The following GATAD1 variants were observed in gnomAD, a reference collection of about 807,000 sequenced individuals.
GATAD1 encodes the protein GATA zinc finger domain-containing protein 1.
In GATAD1, 12 loss-of-function variants were observed where a neutral mutation model predicts 26.5. The ratio of observed to expected loss-of-function variants is 0.45; its 90% CI spans 0.29 to 0.73. The LOEUF (loss-of-function observed/expected upper bound fraction) is 0.73, where lower values mean the gene tolerates loss of function less well. Among genes scored for constraint, GATAD1 ranks in the 30% least tolerant of loss-of-function variants. GATAD1 has a pLI of 0.10. For missense variants in GATAD1, 266 were observed against 342.1 expected, an observed-to-expected ratio of 0.78 and a Z score of 1.75; for synonymous variants, 129 against 133.1, an observed-to-expected ratio of 0.97 and a Z score of 0.21.
the GATAD1 span, among the ~76,000 whole-genome samples, chr7:92,486,012 T>G: frequency 6.6e-6 from 1 of 152,232 alleles, no homozygotes; most frequent in African/African-American, 2.4e-5. Flanking sequence ...AGATGACCTC[T>G]GTATGGATGT....
the GATAD1 span, among the ~76,000 whole-genome samples, chr7:92,486,027 C>T: frequency 1.3e-3 from 197 of 152,328 alleles, no homozygotes; most frequent in Middle Eastern, 0.01. Context: ...GGATGTCAAT[C>T]GGCTGTCTTT....
downstream of GATAD1, chr7:92,461,547 T>C (rs934837273): frequency 1.3e-5 from 2 of 152,234 alleles, no homozygotes; most frequent in African/African-American, 4.8e-5. Context: ...ATAAACTGTT[T>C]AGAATTATTT....
the GATAD1 span, among the ~76,000 whole-genome samples, chr7:92,467,376 T>A: frequency 1.3e-5 from 2 of 152,180 alleles, no homozygotes; most frequent in Admixed American, 6.5e-5. Context: ...ACATACAAGT[T>A]TTCTCAAGTA....
chr7:92,494,256 T>G, the GATAD1 span: 1 of 1,408,046 alleles, frequency 7.1e-7, no homozygotes, highest in Non-Finnish European at 1.0e-6. Context: ...GAGTGTAGCA[T>G]TTGTTGGGTT....
downstream of GATAD1, among the ~76,000 whole-genome samples, chr7:92,464,144 T>TA (rs1187816626): frequency 1.3e-5 from 2 of 152,104 alleles, no homozygotes; most frequent in African/African-American, 4.8e-5. Flanking sequence ...GAAAAACTCT[T>TA]AAAAAAATAC....
At chr7:92,449,197 G>T (rs773062488) in intron 2 of GATAD1, 3 of 1,006,640 alleles carry the variant, frequency 3.0e-6, no homozygotes, top group African/African-American at 3.4e-5. Flanking sequence ...AGAGATTATG[G>T]TTCTTGATAT....
the GATAD1 span, among the ~76,000 whole-genome samples, chr7:92,485,106 C>T: frequency 1.3e-5 from 2 of 152,090 alleles, no homozygotes; most frequent in African/African-American, 2.4e-5. Flanking sequence ...AGGTTAATCG[C>T]TCAGTTAAGA....
chr7:92,455,331 T>C (rs906139732), intron 4 of GATAD1, among the ~76,000 whole-genome samples: 3 of 152,178 alleles, frequency 2.0e-5, no homozygotes, highest in African/African-American at 4.8e-5. Flanking sequence ...AATGTATTGC[T>C]CAGGAACTAG....
At position 92,447,682 on chromosome 7, in the gene GATAD1, G is replaced by A; in HGVS notation, c.-48G>A. 1.4e-6 allele frequency: 2 copies of A among 1,389,788 alleles called. No homozygotes were observed. The highest frequency in any genetic ancestry group is 3.5e-5 in the Admixed American group (1 of 28,934). 86.1% of individuals were successfully genotyped at this position (1,389,788 alleles called of 1,614,324 possible). A position where few individuals can be genotyped will look rare whatever the true frequency, so the allele number is the denominator to read the frequency against. On this transcript the variant is annotated 5_prime_UTR_variant, in exon 1 of 5. Coordinates refer to ENST00000287957, the MANE Select transcript of GATAD1 (RefSeq NM_021167.5). ...CCAGGGGGCGGCCGGGCTACCGTCC[G>A]CCATTCCCGTGTCTCTGCGCCCGCG...
the GATAD1 span, among the ~76,000 whole-genome samples, chr7:92,482,482 C>G: frequency 6.6e-6 from 1 of 152,108 alleles, no homozygotes; most frequent in Admixed American, 6.5e-5. Context: ...CTGTAGCAGG[C>G]AAGTGATAAC....
the GATAD1 span, chr7:92,491,429 T>C: frequency 2.7e-5 from 44 of 1,613,946 alleles, no homozygotes; most frequent in African/African-American, 5.1e-4. Flanking sequence ...AGCTGAATCG[T>C]CAGAGCCACT....
Position 92,454,638 on chromosome 7 carries a change from C to T in GATAD1, c.572C>T (p.Thr191Ile), listed in dbSNP as rs1272899751. ...KSAALTWLIP[T>I]LSSPRDQFDP... The stretch of plus-strand genomic sequence containing the variant: ...GCAGCACTGACGTGGCTCATTCCTA[C>T]CCTCTCTAGCCCCAGAGACCAATTT... Residue 191 changes from threonine (T) to isoleucine (I), a missense_variant, in exon 4 of 5, where the codon ACC becomes ATC. Coordinates refer to ENST00000287957, the MANE Select transcript of GATAD1 (RefSeq NM_021167.5). 1 of 1,609,700 alleles carries T rather than the reference C, an allele frequency of 6.2e-7. No individual in the cohort carries two copies. Among genetic ancestry groups the T allele is most frequent in the Non-Finnish European group, 8.5e-7 (1 of 1,178,416 alleles).
the GATAD1 span, among the ~76,000 whole-genome samples, chr7:92,490,894 GT>G: frequency 3.3e-5 from 5 of 152,214 alleles, no homozygotes; most frequent in East Asian, 9.6e-4. Flanking sequence ...ATAACACTTT[GT>G]TTTCAGGAAT....
chr7:92,479,217 A>G, the GATAD1 span, among the ~76,000 whole-genome samples: 1 of 152,110 alleles, frequency 6.6e-6, no homozygotes, highest in Non-Finnish European at 1.5e-5. Context: ...CTGTGAAGAG[A>G]GTCCACCAAA....
chr7:92,481,058 G>A, the GATAD1 span, among the ~76,000 whole-genome samples: 1 of 152,142 alleles, frequency 6.6e-6, no homozygotes, highest in South Asian at 2.1e-4. Flanking sequence ...GGTAGTGGAG[G>A]GGGGCAGAGC....
At chr7:92,450,815 A>T in intron 3 of GATAD1, 55 bp downstream of exon 3, 1 of 1,072,742 alleles carries the variant, frequency 9.3e-7, no homozygotes, top group East Asian at 2.4e-5. Context: ...GTAATGTGCC[A>T]CTAAAATGTT....
the GATAD1 span, among the ~76,000 whole-genome samples, chr7:92,465,356 G>A: frequency 6.6e-6 from 1 of 152,206 alleles, no homozygotes; most frequent in African/African-American, 2.4e-5. Context: ...AGTGGCTCAT[G>A]CCTGTAATCC....
At position 92,448,436 on chromosome 7, in the gene GATAD1, A is replaced by G. The variant is rs76485504; in HGVS notation, c.250-316A>G. On this transcript the variant is annotated intron_variant, in intron 1 of 4. Transcript: ENST00000287957. ...TTAAGTGTTTTTCTCTATTGTAGAC[A>G]CAACAAATGAATAGTGTTTGTCTTG... Among the ~76,000 whole-genome samples the G allele has an allele frequency of 7.2e-3, 1,095 of 152,320 alleles. 16 individuals carry two copies. Among genetic ancestry groups the G allele is most frequent in the African/African-American group, 0.025 (1,059 of 41,556 alleles).
chr7:92,460,925 A>G (rs1312869631), downstream of GATAD1, among the ~76,000 whole-genome samples: 3 of 151,720 alleles, frequency 2.0e-5, no homozygotes, highest in South Asian at 2.1e-4. Flanking sequence ...ATTTTTTACA[A>G]TAAGCACACA....
Sources: allele counts gnomAD v4.1 joint callset (sites outside exome capture counted in the v4.1 genomes callset), GRCh38; gene constraint gnomAD v4.1.1; transcripts MANE v1.5; gene names NCBI Gene and HGNC (gene_info 2026-07-23, HGNC 2026-07-21).